DRC12: variants seen among roughly 807,000 people sequenced by gnomAD.
DRC12 encodes dynein regulatory complex protein 12.
the DRC12 span, chr11:119,194,893 C>T: frequency 3.9e-6 from 6 of 1,527,406 alleles, no homozygotes; most frequent in Non-Finnish European, 5.3e-6. Flanking sequence ...TCCCCTGTTG[C>T]CCACCCATGC....
At chr11:119,190,709 C>G in the DRC12 span, 462 of 1,613,130 alleles carry the variant, frequency 2.9e-4, 4 homozygotes, top group African/African-American at 5.7e-3. This position sits in a 1 kb window ranked among gnomAD's most constrained non-coding sequence, Gnocchi z 4.2. Flanking sequence ...GTGGTGCTTA[C>G]GTGTAAGATT....
At chr11:119,195,663 G>A in the DRC12 span, 4 of 604,244 alleles carry the variant, frequency 6.6e-6, no homozygotes, top group Admixed American at 1.2e-4. Flanking sequence ...TGGGGTCAGT[G>A]GGGAGGATGG....
the DRC12 span, chr11:119,190,757 G>A: frequency 6.8e-6 from 11 of 1,614,142 alleles, no homozygotes; most frequent in Admixed American, 1.7e-5. This position sits in a 1 kb window ranked among gnomAD's most constrained non-coding sequence, Gnocchi z 4.2. Context: ...ATGTGGGCCC[G>A]AAGCTGAGCC....
At chr11:119,194,539 A>T in the DRC12 span, among the ~76,000 whole-genome samples, 10 of 120,146 alleles carry the variant, frequency 8.3e-5, no homozygotes, top group Non-Finnish European at 9.3e-5. Context: ...AAAAAAAAAA[A>T]AAAAAATAAA....
the DRC12 span, chr11:119,194,906 G>A: frequency 1.1e-4 from 177 of 1,547,692 alleles, no homozygotes; most frequent in Admixed American, 3.0e-4. Context: ...ACCCATGCCA[G>A]CTTCTACCCT....
chr11:119,190,490 G>A, the DRC12 span: 1 of 1,612,468 alleles, frequency 6.2e-7, no homozygotes, highest in Non-Finnish European at 8.5e-7. The surrounding 1 kb of genome is among the most constrained non-coding windows in gnomAD (Gnocchi z 4.2). Context: ...GAAAGAGAGA[G>A]AGGGAAGGAG....
chr11:119,195,052 C>T, the DRC12 span: 2 of 1,385,008 alleles, frequency 1.4e-6, no homozygotes, highest in Non-Finnish European at 2.0e-6. Flanking sequence ...CCTCACTCTG[C>T]TCACATCCTC....
chr11:119,193,247 G>C, the DRC12 span: 1 of 1,613,640 alleles, frequency 6.2e-7, no homozygotes, highest in African/African-American at 1.3e-5. Flanking sequence ...CTCATCTCTG[G>C]GGTGGGGGCA....
chr11:119,190,573 T>G, the DRC12 span: 15 of 1,552,828 alleles, frequency 9.7e-6, no homozygotes, highest in Admixed American at 2.6e-4. The surrounding 1 kb of genome is among the most constrained non-coding windows in gnomAD (Gnocchi z 4.2). Flanking sequence ...CTGTCTGCCC[T>G]CAGGATAGAG....
At chr11:119,190,941 C>T in the DRC12 span, 4 of 1,382,444 alleles carry the variant, frequency 2.9e-6, no homozygotes, top group Non-Finnish European at 3.9e-6. The surrounding 1 kb of genome is among the most constrained non-coding windows in gnomAD (Gnocchi z 4.2). Context: ...GGGCTCGTTC[C>T]AGACTCCCCC....
the DRC12 span, chr11:119,195,260 C>G: frequency 4.4e-6 from 3 of 683,076 alleles, no homozygotes; most frequent in Non-Finnish European, 2.5e-6. Flanking sequence ...ACCATTTCCC[C>G]ACTTCCTCAG....
chr11:119,190,749 G>A, the DRC12 span: 1 of 1,614,164 alleles, frequency 6.2e-7, no homozygotes, highest in Non-Finnish European at 8.5e-7. This position sits in a 1 kb window ranked among gnomAD's most constrained non-coding sequence, Gnocchi z 4.2. Context: ...TGTCTGCCAT[G>A]TGGGCCCGAA....
chr11:119,193,352 A>G, the DRC12 span: 2 of 949,254 alleles, frequency 2.1e-6, no homozygotes, highest in Middle Eastern at 5.8e-4. Flanking sequence ...GTGGAACAGG[A>G]GCACAAAGGC....
At chr11:119,193,515 T>C in the DRC12 span, 1 of 1,291,902 alleles carries the variant, frequency 7.7e-7, no homozygotes, top group South Asian at 1.6e-5. Context: ...TGGCTATGAC[T>C]GCATGTGTAT....
chr11:119,193,875 C>T, the DRC12 span: 1 of 1,551,462 alleles, frequency 6.4e-7, no homozygotes, highest in East Asian at 2.4e-5. Context: ...GGGCTTCATC[C>T]CTCCGTAGAG....
chr11:119,193,801 T>C, the DRC12 span: 1 of 1,551,650 alleles, frequency 6.4e-7, no homozygotes, highest in South Asian at 1.2e-5. Flanking sequence ...TCGGGCCCCT[T>C]CCAGCTCAGC....
At chr11:119,193,162 C>A in the DRC12 span, 3 of 1,613,942 alleles carry the variant, frequency 1.9e-6, no homozygotes, top group Non-Finnish European at 2.5e-6. Context: ...TAGCTGCCCC[C>A]GAAGGCCTTT....
chr11:119,195,587 C>T, the DRC12 span: 1 of 928,086 alleles, frequency 1.1e-6, no homozygotes, highest in Non-Finnish European at 1.7e-6. Flanking sequence ...TCTCCTGAGT[C>T]CAAATTTGTC....
chr11:119,193,447 G>T, the DRC12 span: 2 of 945,362 alleles, frequency 2.1e-6, no homozygotes, highest in Non-Finnish European at 3.1e-6. Context: ...ACCTCCCCCA[G>T]TCCAGCTTTG....
Sources: allele counts gnomAD v4.1 joint callset (sites outside exome capture counted in the v4.1 genomes callset), GRCh38; gene constraint gnomAD v4.1.1; non-coding constraint Gnocchi (gnomAD v3.1); transcripts MANE v1.5; gene names NCBI Gene and HGNC (gene_info 2026-07-23, HGNC 2026-07-21).